TESK2: variants seen among roughly 807,000 people sequenced by gnomAD.
The protein encoded by TESK2 is dual specificity testis-specific protein kinase 2.
A neutral mutation model predicts 57.1 loss-of-function variants in TESK2; 39 were observed. The observed-to-expected ratio is 0.68, with a 90% CI of 0.53 to 0.89. TESK2 has a LOEUF of 0.89. Among genes scored for constraint, TESK2 ranks in the 40% least tolerant of loss-of-function variants. The probability of loss-of-function intolerance (pLI) is 0.00; values close to 1 mark genes in which losing one functional copy is unlikely to be tolerated. For missense variants in TESK2, 646 were observed against 732.1 expected (o/e 0.88, Z 1.36); for synonymous variants, 249 against 267.9 (o/e 0.93, Z 0.69).
chr1:45,471,914 C>T (rs948705063), intron 1 of TESK2, among the ~76,000 whole-genome samples: 3 of 152,058 alleles, frequency 2.0e-5, no homozygotes, highest in African/African-American at 2.4e-5. Context: ...CCACCTCAGC[C>T]GCCTCAGCAC....
At chr1:45,386,227 C>T (rs1460217863) in intron 3 of TESK2, among the ~76,000 whole-genome samples, 1 of 151,504 alleles carries the variant, frequency 6.6e-6, no homozygotes, top group Non-Finnish European at 1.5e-5. Context: ...CGCCTGTAGT[C>T]CGAGCTGCTC....
chr1:45,407,099 T>A (rs901714094), intron 3 of TESK2, among the ~76,000 whole-genome samples: 3 of 152,122 alleles, frequency 2.0e-5, no homozygotes, highest in African/African-American at 7.2e-5. Context: ...TATTATTATT[T>A]TTTAGAGACA....
chr1:45,399,405 C>G (rs1221225136), intron 3 of TESK2, among the ~76,000 whole-genome samples: 2 of 151,944 alleles, frequency 1.3e-5, no homozygotes, highest in Non-Finnish European at 1.5e-5. Flanking sequence ...ACCTCCACCT[C>G]CCAGGTTCAA....
At chr1:45,421,892 T>G (rs1318118032) in intron 2 of TESK2, 46 bp from the exon 3 acceptor site, 1 of 1,601,434 alleles carries the variant, frequency 6.2e-7, no homozygotes, top group Non-Finnish European at 8.5e-7. Flanking sequence ...GGGCAATAGT[T>G]ATATGTGAGG....
At chr1:45,354,781 C>T (rs1192334436) in intron 5 of TESK2, among the ~76,000 whole-genome samples, 1 of 75,266 alleles carries the variant, frequency 1.3e-5, no homozygotes, top group Admixed American at 2.1e-4. Context: ...AAGGTGAGAC[C>T]GTCTCAAAAA....
chr1:45,354,786 CAAAAAAAAAAAA>C (rs869075485), intron 5 of TESK2, among the ~76,000 whole-genome samples: 3 of 43,312 alleles, frequency 6.9e-5, no homozygotes, highest in Non-Finnish European at 1.2e-4. Context: ...GAGACCGTCT[CAAAAAAAAAAAA>C]AAAAAAAAAA....
chr1:45,357,430 G>A (rs1189807449), intron 4 of TESK2, among the ~76,000 whole-genome samples: 3 of 151,956 alleles, frequency 2.0e-5, no homozygotes, highest in African/African-American at 7.2e-5. Context: ...TCAGTAAAGT[G>A]GTTAAGACGA....
chr1:45,359,569 A>G (rs886368342), intron 4 of TESK2, among the ~76,000 whole-genome samples: 3 of 150,912 alleles, frequency 2.0e-5, no homozygotes, highest in Non-Finnish European at 4.4e-5. Flanking sequence ...TGAAAAAAAA[A>G]TATGTAAAAG....
chr1:45,460,924 G>A (rs1276930943), intron 1 of TESK2, among the ~76,000 whole-genome samples: 1 of 152,068 alleles, frequency 6.6e-6, no homozygotes, highest in Non-Finnish European at 1.5e-5. Flanking sequence ...AGCTAGACTT[G>A]AAACCAAAAA....
At chr1:45,463,045 T>A (rs1170404865) in intron 1 of TESK2, among the ~76,000 whole-genome samples, 1 of 152,242 alleles carries the variant, frequency 6.6e-6, no homozygotes, top group Admixed American at 6.5e-5. Flanking sequence ...TTGAGAAATG[T>A]CTGTTCAGAT....
At chr1:45,468,683 T>G (rs1211829134) in intron 1 of TESK2, among the ~76,000 whole-genome samples, 1 of 152,204 alleles carries the variant, frequency 6.6e-6, no homozygotes, top group South Asian at 2.1e-4. Flanking sequence ...TAATATACTT[T>G]TTTTGGAACA....
At chr1:45,428,080 TAC>T (rs1402256214) in intron 2 of TESK2, among the ~76,000 whole-genome samples, 4 of 152,278 alleles carry the variant, frequency 2.6e-5, no homozygotes, top group African/African-American at 4.8e-5. Context: ...CCAACCATCA[TAC>T]ACAGTTATAA....
intron 2 of TESK2, among the ~76,000 whole-genome samples, chr1:45,427,447 A>G (rs111722414): frequency 6.6e-6 from 1 of 152,190 alleles, no homozygotes; most frequent in East Asian, 1.9e-4. Context: ...TGTCAAATAC[A>G]TATCTGCACT....
At chr1:45,475,568 T>C (rs75131488) in intron 1 of TESK2, among the ~76,000 whole-genome samples, 7,063 of 152,242 alleles carry the variant, frequency 0.046, 236 homozygotes, top group South Asian at 0.068. Context: ...CAAAGATATA[T>C]GTACAAGAAT....
At chr1:45,484,654 C>G (rs1341788708) in intron 1 of TESK2, among the ~76,000 whole-genome samples, 1 of 151,992 alleles carries the variant, frequency 6.6e-6, no homozygotes, top group Non-Finnish European at 1.5e-5. Flanking sequence ...ATCGCTTCAA[C>G]CCGGAAGGCG....
chr1:45,457,494 A>C, intron 2 of TESK2, 70 bp downstream of exon 2: 1 of 1,430,978 alleles, frequency 7.0e-7, no homozygotes, highest in Non-Finnish European at 9.8e-7. Flanking sequence ...TCCTAATTAA[A>C]CACAACTATC....
chr1:45,432,116 G>C (rs1223185548), intron 2 of TESK2, among the ~76,000 whole-genome samples: 1 of 151,930 alleles, frequency 6.6e-6, no homozygotes, highest in Admixed American at 6.6e-5. Context: ...AGGCATGGTG[G>C]TGCATGTCTG....
intron 3 of TESK2, among the ~76,000 whole-genome samples, chr1:45,386,161 A>G (rs1648884681): frequency 6.6e-6 from 1 of 152,028 alleles, no homozygotes; most frequent in African/African-American, 2.4e-5. Context: ...CCTGGCCAAC[A>G]TGGTGAAACC....
At chr1:45,484,098 A>ATTCTTCT (rs1653352398) in intron 1 of TESK2, among the ~76,000 whole-genome samples, 1 of 133,724 alleles carries the variant, frequency 7.5e-6, no homozygotes, top group Non-Finnish European at 1.5e-5. Context: ...TTCATTTTTA[A>ATTCTTCT]TTCTTCTTTT....
Sources: gnomAD v4.1 joint callset for allele counts (sites outside exome capture counted in the v4.1 genomes callset) on GRCh38, gnomAD v4.1.1 for gene constraint, MANE v1.5 for transcripts, NCBI Gene and HGNC (gene_info 2026-07-23, HGNC 2026-07-21) for gene names.